Variants in KCNT1 observed in about 807,000 individuals in gnomAD.
KCNT1 encodes potassium sodium-activated channel subfamily T member 1, also known as potassium channel subfamily T member 1.
Under a neutral mutation model 147.8 loss-of-function variants are expected in KCNT1, and 78 were observed. That is an observed-to-expected ratio of 0.53 (90% CI 0.44 to 0.64). The LOEUF (loss-of-function observed/expected upper bound fraction) is 0.64. Among genes scored for constraint, KCNT1 ranks in the 30% least tolerant of loss-of-function variants. The probability of loss-of-function intolerance (pLI) is 0.00; values close to 1 mark genes in which losing one functional copy is unlikely to be tolerated. For missense variants in KCNT1, 1,419 were observed against 1,750.3 expected (o/e 0.81, Z 3.38); for synonymous variants, 867 against 748.8 (o/e 1.16, Z -2.58).
rs1173732461 is a variant in KCNT1, at chr9:135,704,858, AC to A, written c.110+2492del. ...TGGGAAAGGTTTGAGGGCCCAAGAT[AC>A]CGCCCAGCACTGGCCGGCAGGAGGG... On this transcript the variant is annotated intron_variant, in intron 1 of 30. Coordinates refer to ENST00000371757, the MANE Select transcript of KCNT1 (RefSeq NM_020822.3). 1.5e-4 allele frequency among the ~76,000 whole-genome samples: 23 copies of A among 152,262 alleles called. No individual in the cohort carries two copies. In the East Asian group the frequency reaches 4.5e-3, roughly 29 times the overall value.
intron 27 of KCNT1, 89 bp from the exon 28 acceptor site, chr9:135,785,221 A>G: frequency 6.4e-7 from 1 of 1,568,974 alleles, no homozygotes. Flanking sequence ...CACCAGCCCT[A>G]AGCATGTTCC....
chr9:135,730,377 C>T lies in KCNT1; in HGVS notation c.254+15657C>T, dbSNP rs773830048. Among the ~76,000 whole-genome samples, 3 of 152,054 alleles carry T rather than the reference C, an allele frequency of 2.0e-5. No individual in the cohort carries two copies. The highest frequency in any genetic ancestry group is 4.4e-5 in the Non-Finnish European group (3 of 68,022). On this transcript the variant is annotated intron_variant, in intron 2 of 30. Transcript: ENST00000371757. This position sits in a 1 kb window ranked among gnomAD's most constrained non-coding sequence, Gnocchi z 4.7. ...ACCATGCGTGGCGAGGGGGACCACA[C>T]GTGGTGAGGGGGATTAGCAGATATG...
chr9:135,726,174 G>A (rs1836130580), intron 2 of KCNT1, among the ~76,000 whole-genome samples: 1 of 152,100 alleles, frequency 6.6e-6, no homozygotes, highest in African/African-American at 2.4e-5. Flanking sequence ...CCAGGGCGCT[G>A]TCTGGGCTGG....
intron 1 of KCNT1, among the ~76,000 whole-genome samples, chr9:135,706,578 A>G (rs1233395762): frequency 6.6e-6 from 1 of 152,216 alleles, no homozygotes; most frequent in Non-Finnish European, 1.5e-5. Context: ...CAGGAAAGGC[A>G]CACAGGCCTC....
intron 20 of KCNT1, among the ~76,000 whole-genome samples, chr9:135,776,184 G>A (rs1464325799): frequency 1.1e-4 from 17 of 152,256 alleles, no homozygotes; most frequent in Admixed American, 7.8e-4. Flanking sequence ...TGTGGGGGAC[G>A]TGTTGAGATC....
chr9:135,791,737 TGCAGAGCTGGGAGGG>T (rs1295046604), intron 29 of KCNT1, 45 bp from the exon 30 acceptor site: 2 of 1,463,928 alleles, frequency 1.4e-6, no homozygotes, highest in Admixed American at 1.7e-5. Flanking sequence ...TCTGGGCCCC[TGCAGAGCTGGGAGGG>T]GCAGGGCTGG....
chr9:135,778,665 C>A, intron 22 of KCNT1, 23 bp from the exon 23 acceptor site: 1 of 1,612,958 alleles, frequency 6.2e-7, no homozygotes, highest in Non-Finnish European at 8.5e-7. Context: ...TCCTCAGCCA[C>A]GGGCCCTCGG....
chr9:135,712,024 G>A (rs890859627), intron 1 of KCNT1, among the ~76,000 whole-genome samples: 1 of 152,222 alleles, frequency 6.6e-6, no homozygotes, highest in Non-Finnish European at 1.5e-5. Context: ...CCGCCCAGCA[G>A]GACTGATGGG....
intron 28 of KCNT1, 35 bp downstream of exon 28, chr9:135,785,365 G>A (rs762625708): frequency 1.2e-5 from 19 of 1,612,430 alleles, no homozygotes; most frequent in South Asian, 2.2e-5. Flanking sequence ...CAGCTTCTGC[G>A]GAGCACCAGA....
chr9:135,726,380 G>A (rs1836140473), intron 2 of KCNT1, among the ~76,000 whole-genome samples: 1 of 152,090 alleles, frequency 6.6e-6, no homozygotes, highest in Non-Finnish European at 1.5e-5. Context: ...AAGTGCCCCT[G>A]GGAGCAAAGC....
intron 2 of KCNT1, among the ~76,000 whole-genome samples, chr9:135,727,923 C>T (rs1330651481): frequency 6.6e-6 from 1 of 152,232 alleles, no homozygotes; most frequent in Non-Finnish European, 1.5e-5. Context: ...AAAGATGTTG[C>T]AGTGGGGAGG....
rs1836367252 is a variant in KCNT1, at chr9:135,730,047, T to A, written c.254+15327T>A. 6.6e-6 allele frequency among the ~76,000 whole-genome samples: 1 copy of A among 152,188 alleles called. No homozygotes were observed. The highest frequency in any genetic ancestry group is 6.5e-5 in the Admixed American group (1 of 15,280). On this transcript the variant is annotated intron_variant, in intron 2 of 30. Coordinates refer to ENST00000371757, the MANE Select transcript of KCNT1 (RefSeq NM_020822.3). This position sits in a 1 kb window ranked among gnomAD's most constrained non-coding sequence, Gnocchi z 4.7. The stretch of plus-strand genomic sequence containing the variant: ...CTGCCTTTTTCTCTTCCTCCCTCCA[T>A]CAGCGTTACCCACATTCTCCTCTGC...
intron 20 of KCNT1, among the ~76,000 whole-genome samples, chr9:135,775,900 T>G (rs1350084412): frequency 6.6e-6 from 1 of 152,162 alleles, no homozygotes; most frequent in African/African-American, 2.4e-5. Flanking sequence ...AGCAACTCCT[T>G]TCTCGTTACT....
At chr9:135,729,217 G>A (rs565134440) in intron 2 of KCNT1, among the ~76,000 whole-genome samples, 9 of 152,320 alleles carry the variant, frequency 5.9e-5, no homozygotes, top group East Asian at 5.8e-4. Context: ...TGAAAGCAGC[G>A]TTTCCTCTGG....
intron 2 of KCNT1, among the ~76,000 whole-genome samples, chr9:135,719,206 A>G (rs1337134840): frequency 6.6e-6 from 1 of 152,142 alleles, no homozygotes; most frequent in African/African-American, 2.4e-5. Context: ...AGCCTAAGTG[A>G]GCGTCATGGC....
intron 29 of KCNT1, 31 bp from the exon 30 acceptor site, chr9:135,791,766 G>C (rs572076994): frequency 1.1e-5 from 18 of 1,597,768 alleles, no homozygotes; most frequent in Non-Finnish European, 1.5e-5. Context: ...GGGCTGGGGG[G>C]GTGACGTCTG....
At chr9:135,760,345 C>A (rs1831833880) in intron 11 of KCNT1, among the ~76,000 whole-genome samples, 1 of 152,194 alleles carries the variant, frequency 6.6e-6, no homozygotes, top group Admixed American at 6.5e-5. Flanking sequence ...AAGGTGGAGG[C>A]CTGGAGAGGG....
rs1483690636 is a variant in KCNT1, at chr9:135,777,521, T to TG, written c.2522+15dup. On this transcript the variant is annotated intron_variant, in intron 21 of 30. Coordinates refer to ENST00000371757, the MANE Select transcript of KCNT1 (RefSeq NM_020822.3). Reference sequence around the variant, plus strand: ...GCTGCTGGACAACAAGTGAGGCTCCTGGGGCTCAGCCCACCCCGCCCACCC... The same window carrying TG: ...GCTGCTGGACAACAAGTGAGGCTCCTGGGGGCTCAGCCCACCCCGCCCACCC... The TG allele has an allele frequency of 6.2e-7, 1 of 1,610,530 alleles. No homozygotes were observed.
intron 2 of KCNT1, among the ~76,000 whole-genome samples, chr9:135,718,986 G>T (rs1411442244): frequency 6.6e-6 from 1 of 152,226 alleles, no homozygotes; most frequent in Admixed American, 6.5e-5. Flanking sequence ...TCACCTCAGG[G>T]ACCTGATGGT....
Sources: allele counts gnomAD v4.1 joint callset (sites outside exome capture counted in the v4.1 genomes callset), GRCh38; gene constraint gnomAD v4.1.1; non-coding constraint Gnocchi (gnomAD v3.1); transcripts MANE v1.5; gene names NCBI Gene and HGNC (gene_info 2026-07-23, HGNC 2026-07-21).